The following TUSC3 variants were observed in gnomAD, a reference collection of about 807,000 sequenced individuals.
TUSC3 encodes dolichyl-diphosphooligosaccharide--protein glycosyltransferase subunit TUSC3.
TUSC3 carries 45 observed loss-of-function variants against 44.8 expected under a neutral mutation model. The ratio of observed to expected loss-of-function variants is 1.00; its 90% CI spans 0.79 to 1.29. The LOEUF (loss-of-function observed/expected upper bound fraction) is 1.29. Ranked by LOEUF, TUSC3 falls within the 50% of genes most tolerant of loss-of-function variation. The pLI, the probability that TUSC3 is intolerant of heterozygous loss-of-function variation, is 0.00. For synonymous variants in TUSC3, 212 were observed against 152.9 expected, an observed-to-expected ratio of 1.39 and a Z score of -2.85; for missense variants, 519 against 437.9, an observed-to-expected ratio of 1.19 and a Z score of -1.65.
intron 1 of TUSC3, among the ~76,000 whole-genome samples, chr8:15,547,024 G>GA: frequency 6.6e-6 from 1 of 151,448 alleles, no homozygotes; most frequent in African/African-American, 2.4e-5. Flanking sequence ...TTAATGAACA[G>GA]AAAAAAGTTA....
intron 1 of TUSC3, among the ~76,000 whole-genome samples, chr8:15,620,231 T>A (rs1805183813): frequency 6.6e-6 from 1 of 152,186 alleles, no homozygotes; most frequent in Admixed American, 6.5e-5. Flanking sequence ...ACATTGCAGA[T>A]AGCGTTAGAC....
the TUSC3 span, among the ~76,000 whole-genome samples, chr8:15,796,162 T>C: frequency 1.3e-5 from 2 of 152,116 alleles, no homozygotes; most frequent in East Asian, 3.9e-4. Flanking sequence ...TGTCGGTGGA[T>C]ATGTTAGCAT....
At chr8:15,704,790 C>T (rs754884949) in intron 6 of TUSC3, among the ~76,000 whole-genome samples, 13 of 151,818 alleles carry the variant, frequency 8.6e-5, no homozygotes, top group Non-Finnish European at 1.6e-4. Flanking sequence ...TTGACCCTGA[C>T]GAGTTTTGGA....
At chr8:15,532,392 G>A (rs909367592) in intron 2 of TUSC3, among the ~76,000 whole-genome samples, 4 of 152,126 alleles carry the variant, frequency 2.6e-5, no homozygotes, top group African/African-American at 7.2e-5. Flanking sequence ...CAAAGAAAAT[G>A]AGGCAAGTCT....
At position 15,582,640 on chromosome 8, in the gene TUSC3, C is replaced by G. The variant is rs932955249; in HGVS notation, c.139-40440C>G. On this transcript the variant is annotated intron_variant, in intron 1 of 10. Transcript: ENST00000503731. The stretch of plus-strand genomic sequence containing the variant: ...ACCCAGCTAAAACAGAGTCAAGAGG[C>G]TAGGGGGATAAAGCACTGGTCACAT... 2.6e-5 allele frequency among the ~76,000 whole-genome samples: 4 copies of G among 152,110 alleles called. 1 individual carries two copies. In the South Asian group the frequency reaches 6.2e-4, roughly 24 times the overall value.
chr8:15,480,099 T>C (rs76347763), intron 1 of TUSC3, among the ~76,000 whole-genome samples: 8,991 of 152,102 alleles, frequency 0.059, 349 homozygotes, highest in South Asian at 0.16. Flanking sequence ...ACAAGGAAAG[T>C]GAAGGACCTC....
the TUSC3 span, among the ~76,000 whole-genome samples, chr8:15,844,660 T>C: frequency 6.6e-6 from 1 of 152,188 alleles, no homozygotes; most frequent in South Asian, 2.1e-4. Context: ...AAAAGCATTG[T>C]AACCTCCAGT....
chr8:15,675,434 G>T (rs1208888168), intron 6 of TUSC3, among the ~76,000 whole-genome samples: 3 of 151,662 alleles, frequency 2.0e-5, no homozygotes, highest in Non-Finnish European at 4.4e-5. Flanking sequence ...GAGGGTTTCA[G>T]ACTTTTTTTT....
At chr8:15,815,316 G>A in the TUSC3 span, among the ~76,000 whole-genome samples, 2 of 152,050 alleles carry the variant, frequency 1.3e-5, no homozygotes, top group Admixed American at 1.3e-4. Context: ...AAGGTTCTTG[G>A]GGGGCAGGAT....
chr8:15,774,387 G>A, the TUSC3 span, among the ~76,000 whole-genome samples: 23 of 152,252 alleles, frequency 1.5e-4, no homozygotes, highest in East Asian at 4.4e-3. Context: ...GCCCTTGTAA[G>A]AAGGAAGCCA....
At chr8:15,653,976 G>C (rs943404854) in intron 3 of TUSC3, among the ~76,000 whole-genome samples, 6 of 152,126 alleles carry the variant, frequency 3.9e-5, no homozygotes, top group African/African-American at 1.4e-4. Flanking sequence ...GCTGAGGCTA[G>C]GTATCTGATG....
the TUSC3 span, among the ~76,000 whole-genome samples, chr8:15,832,903 AT>A: frequency 6.6e-6 from 1 of 152,164 alleles, no homozygotes; most frequent in African/African-American, 2.4e-5. Context: ...GATATCCCAG[AT>A]TGGAACTCAT....
At chr8:15,601,117 G>T (rs181501432) in intron 1 of TUSC3, among the ~76,000 whole-genome samples, 1 of 151,682 alleles carries the variant, frequency 6.6e-6, no homozygotes, top group African/African-American at 2.4e-5. Flanking sequence ...AGTATCCATA[G>T]GTAGCAAGCT....
At chr8:15,667,949 G>C (rs4087769) in intron 5 of TUSC3, among the ~76,000 whole-genome samples, 10,892 of 151,676 alleles carry the variant, frequency 0.072, 623 homozygotes, top group East Asian at 0.17. Flanking sequence ...ACGGTTAAAG[G>C]AGGATGCCTT....
At chr8:15,653,887 G>A (rs1463751821) in intron 3 of TUSC3, among the ~76,000 whole-genome samples, 3 of 152,174 alleles carry the variant, frequency 2.0e-5, no homozygotes, top group Non-Finnish European at 4.4e-5. Flanking sequence ...AATAACAAGT[G>A]CAGAAACTTG....
At chr8:15,535,276 AT>A (rs1306751096), upstream of TUSC3, among the ~76,000 whole-genome samples, 1 of 152,236 alleles carries the variant, frequency 6.6e-6, no homozygotes, top group East Asian at 1.9e-4. Context: ...TAAAGCAAGG[AT>A]AAAGAATTTG....
intron 2 of TUSC3, among the ~76,000 whole-genome samples, chr8:15,486,811 A>G (rs752441980): frequency 6.6e-6 from 1 of 152,174 alleles, no homozygotes; most frequent in Non-Finnish European, 1.5e-5. Flanking sequence ...TGTATTCTAT[A>G]TTCCTTTCTC....
At chr8:15,632,146 C>T (rs991445021) in intron 2 of TUSC3, among the ~76,000 whole-genome samples, 1 of 152,122 alleles carries the variant, frequency 6.6e-6, no homozygotes, top group Admixed American at 6.5e-5. Context: ...CTCCCGCACC[C>T]CCATGCCATG....
chr8:15,756,373 C>A (rs990681824), intron 9 of TUSC3, among the ~76,000 whole-genome samples: 9 of 152,088 alleles, frequency 5.9e-5, no homozygotes, highest in African/African-American at 2.2e-4. Context: ...ATAATCAGTT[C>A]GTAGTCCCTG....
Sources: gnomAD v4.1 joint callset for allele counts (sites outside exome capture counted in the v4.1 genomes callset) on GRCh38, gnomAD v4.1.1 for gene constraint, MANE v1.5 for transcripts, NCBI Gene and HGNC (gene_info 2026-07-23, HGNC 2026-07-21) for gene names.